Variants in ADGRE3 observed in about 807,000 individuals in gnomAD.
ADGRE3 encodes the protein adhesion G protein-coupled receptor E3, also known as EGF-like module receptor 3.
A neutral mutation model predicts 80.1 loss-of-function variants in ADGRE3; 88 were observed. The observed-to-expected ratio is 1.10, with a 90% CI of 0.93 to 1.31. The LOEUF is 1.31. Among genes scored for constraint, ADGRE3 ranks in the 40% most tolerant of loss-of-function variants. The probability of loss-of-function intolerance (pLI) is 0.00; values close to 1 mark genes in which losing one functional copy is unlikely to be tolerated. For missense variants in ADGRE3, 715 were observed against 776.5 expected, an observed-to-expected ratio of 0.92 and a Z score of 0.94; for synonymous variants, 281 against 294.8, an observed-to-expected ratio of 0.95 and a Z score of 0.48.
downstream of ADGRE3, among the ~76,000 whole-genome samples, chr19:14,615,057 C>T (rs2075067566): frequency 6.6e-6 from 1 of 151,958 alleles, no homozygotes; most frequent in Admixed American, 6.6e-5. Context: ...GGCTAACCAA[C>T]CCCATTTTAT....
chr19:14,641,984 T>A (rs751282573), intron 9 of ADGRE3, among the ~76,000 whole-genome samples: 4 of 152,064 alleles, frequency 2.6e-5, no homozygotes, highest in Non-Finnish European at 5.9e-5. Flanking sequence ...GGACATATGA[T>A]TTTTTTCCCC....
At chr19:14,667,519 G>T (rs1357311294) in intron 2 of ADGRE3, among the ~76,000 whole-genome samples, 1 of 152,136 alleles carries the variant, frequency 6.6e-6, no homozygotes, top group Non-Finnish European at 1.5e-5. Flanking sequence ...CATAAAAAAT[G>T]ATGAGTTCAT....
chr19:14,647,140 T>G, intron 8 of ADGRE3, 41 bp downstream of exon 8: 1 of 1,566,972 alleles, frequency 6.4e-7, no homozygotes, highest in Non-Finnish European at 8.8e-7. Flanking sequence ...TTGGCCTGCC[T>G]CCTTGAGAAC....
the ADGRE3 span, chr19:14,610,645 G>A: frequency 5.9e-6 from 1 of 170,776 alleles, no homozygotes; most frequent in African/African-American, 2.4e-5. Context: ...TCAGCCTCCT[G>A]AGTAGCTGGG....
At chr19:14,672,860 C>A (rs753301694) in intron 1 of ADGRE3, among the ~76,000 whole-genome samples, 3 of 152,008 alleles carry the variant, frequency 2.0e-5, no homozygotes, top group Admixed American at 6.6e-5. Flanking sequence ...GCAATCTTCC[C>A]GCCTTGCCTT....
chr19:14,659,740 G>C (rs1971884486), intron 4 of ADGRE3, among the ~76,000 whole-genome samples: 1 of 138,334 alleles, frequency 7.2e-6, no homozygotes, highest in Admixed American at 8.0e-5. Context: ...AGAATCTCTT[G>C]AACCTAGGAG....
chr19:14,627,862 C>G (rs1335153463), intron 14 of ADGRE3, among the ~76,000 whole-genome samples: 3 of 152,010 alleles, frequency 2.0e-5, no homozygotes, highest in Non-Finnish European at 4.4e-5. Context: ...GGCACGATGG[C>G]TCACGCCTGT....
At position 14,665,978 on chromosome 19, in the gene ADGRE3, A is replaced by ATATATATATG. The variant is rs1568500899; in HGVS notation, c.77-2439_77-2438insCATATATATA. ...TATATATATATATATATATATATAT[A>ATATATATATG]GTGTTTTCTTTATCCACGTGTTGAT... On this transcript the variant is annotated intron_variant, in intron 2 of 15. Coordinates refer to ENST00000253673, the MANE Select transcript of ADGRE3 (RefSeq NM_032571.5). Among the ~76,000 whole-genome samples the ATATATATATG allele has an allele frequency of 2.0e-3, 255 of 128,230 alleles. 5 individuals carry two copies. The highest frequency in any genetic ancestry group is 7.1e-3 in the African/African-American group (245 of 34,418). The allele number at this position is 128,230 out of a possible 152,430, so 84.1% of individuals were successfully genotyped here. A position where few individuals can be genotyped will look rare whatever the true frequency, so the allele number is the denominator to read the frequency against.
intron 2 of ADGRE3, among the ~76,000 whole-genome samples, chr19:14,664,391 C>T (rs971390818): frequency 2.0e-5 from 3 of 152,068 alleles, no homozygotes; most frequent in Admixed American, 6.6e-5. Context: ...GAGCCGAGAT[C>T]GCGCCATTGT....
chr19:14,662,790 A>G (rs1297119774), intron 3 of ADGRE3, among the ~76,000 whole-genome samples: 2 of 148,932 alleles, frequency 1.3e-5, no homozygotes, highest in African/African-American at 4.9e-5. Context: ...ATCCCTGGCC[A>G]GGTGCAGGGT....
At chr19:14,614,306 G>C (rs754442384), downstream of ADGRE3, among the ~76,000 whole-genome samples, 5 of 152,154 alleles carry the variant, frequency 3.3e-5, no homozygotes, top group African/African-American at 4.8e-5. Flanking sequence ...TTGAGAAATG[G>C]GGAAGCAGGG....
At chr19:14,636,883 C>G (rs1304149706) in intron 11 of ADGRE3, among the ~76,000 whole-genome samples, 1 of 152,080 alleles carries the variant, frequency 6.6e-6, no homozygotes, top group South Asian at 2.1e-4. Context: ...CACCTGAGGT[C>G]AGGAGTTCAA....
At chr19:14,664,836 G>A (rs1308156715) in intron 2 of ADGRE3, among the ~76,000 whole-genome samples, 1 of 151,304 alleles carries the variant, frequency 6.6e-6, no homozygotes, top group African/African-American at 2.4e-5. Context: ...TCACAGAATT[G>A]AAAAAAAATC....
At chr19:14,632,305 T>C (rs1243749239) in intron 13 of ADGRE3, among the ~76,000 whole-genome samples, 1 of 152,200 alleles carries the variant, frequency 6.6e-6, no homozygotes, top group Non-Finnish European at 1.5e-5. Flanking sequence ...TTGGTTGCTT[T>C]TGATAAAAAA....
At chr19:14,662,146 T>G in intron 3 of ADGRE3, 28 bp from the exon 4 acceptor site, 1 of 1,611,542 alleles carries the variant, frequency 6.2e-7, no homozygotes, top group Non-Finnish European at 8.5e-7. Context: ...AATTGGGTCA[T>G]TCATTCAGCA....
intron 14 of ADGRE3, among the ~76,000 whole-genome samples, chr19:14,627,276 G>T (rs1280943356): frequency 1.3e-5 from 2 of 152,100 alleles, no homozygotes; most frequent in African/African-American, 4.8e-5. Flanking sequence ...ATTCTGATAT[G>T]CCATAAACAC....
chr19:14,668,199 C>T (rs556642027), intron 2 of ADGRE3, among the ~76,000 whole-genome samples: 20 of 151,908 alleles, frequency 1.3e-4, no homozygotes, highest in African/African-American at 9.7e-5. Flanking sequence ...TGCAGTGAGC[C>T]GAGATGGCAC....
intron 1 of ADGRE3, among the ~76,000 whole-genome samples, chr19:14,674,153 G>A (rs952445010): frequency 2.0e-5 from 3 of 152,272 alleles, no homozygotes; most frequent in Admixed American, 2.0e-4. Flanking sequence ...AAGTTATCAA[G>A]AAGGAGAAGA....
At chr19:14,629,366 C>T (rs564468179) in intron 14 of ADGRE3, among the ~76,000 whole-genome samples, 21 of 151,976 alleles carry the variant, frequency 1.4e-4, no homozygotes, top group African/African-American at 4.8e-4. Flanking sequence ...TTGATCTCCA[C>T]GATTCACTCC....
Sources: gnomAD v4.1 joint callset for allele counts (sites outside exome capture counted in the v4.1 genomes callset) on GRCh38, gnomAD v4.1.1 for gene constraint, MANE v1.5 for transcripts, NCBI Gene and HGNC (gene_info 2026-07-23, HGNC 2026-07-21) for gene names.